Variants in CES5A observed in about 807,000 individuals in gnomAD.
The protein encoded by CES5A is carboxylesterase 5A.
Under a neutral mutation model 62.9 loss-of-function variants are expected in CES5A, and 67 were observed. The ratio of observed to expected loss-of-function variants is 1.07; its 90% CI spans 0.88 to 1.31. CES5A has a LOEUF of 1.31. Ranked by LOEUF, CES5A falls within the 50% of genes most tolerant of loss-of-function variation. The pLI is 0.00. For missense variants in CES5A, 748 were observed against 708.5 expected (o/e 1.06, Z -0.63); for synonymous variants, 296 against 280.8 (o/e 1.05, Z -0.54).
Position 55,861,242 on chromosome 16 carries a change from T to G in CES5A, c.915+170A>C, listed in dbSNP as rs138629644. Among the ~76,000 whole-genome samples, 706 of 152,338 alleles carry G rather than the reference T, an allele frequency of 4.6e-3. 9 individuals carry two copies. The highest frequency in any genetic ancestry group is 7.2e-3 in the Non-Finnish European group (490 of 68,030). ...CCCTGCCCCAACAATTTTCTTAAAT[T>G]ACCTACAAGGGTTCTATATCCCTAC... On this transcript the variant is annotated intron_variant, in intron 7 of 12. Transcript: ENST00000290567.
intron 6 of CES5A, 117 bp downstream of exon 6, chr16:55,863,231 A>G: frequency 2.8e-6 from 2 of 702,394 alleles, no homozygotes; most frequent in South Asian, 1.7e-5. Flanking sequence ...TTGGGCCAGC[A>G]TGAGGTGCCT....
At chr16:55,930,306 T>C (rs2034297160), upstream of CES5A, among the ~76,000 whole-genome samples, 1 of 152,052 alleles carries the variant, frequency 6.6e-6, no homozygotes. Flanking sequence ...GCATCATCCT[T>C]TGCCAGGCTT....
At chr16:55,887,781 A>T (rs2033832072) in intron 1 of CES5A, among the ~76,000 whole-genome samples, 1 of 152,184 alleles carries the variant, frequency 6.6e-6, no homozygotes, top group Non-Finnish European at 1.5e-5. Context: ...GGCCAAATTT[A>T]CCAGTTGTGG....
At chr16:55,954,268 G>C (rs187152973) in intron 1 of CES5A, among the ~76,000 whole-genome samples, 1 of 152,204 alleles carries the variant, frequency 6.6e-6, no homozygotes, top group East Asian at 1.9e-4. Context: ...TTGCAGGTTC[G>C]GTATTTCATT....
intron 1 of CES5A, among the ~76,000 whole-genome samples, chr16:55,923,151 AT>A (rs1567355878): frequency 1.3e-5 from 2 of 151,600 alleles, no homozygotes; most frequent in Non-Finnish European, 3.0e-5. Context: ...AAAAAACAAA[AT>A]TAATAGAAGA....
intron 1 of CES5A, among the ~76,000 whole-genome samples, chr16:55,912,485 GGAGGAGGAGGAC>G (rs2034104199): frequency 1.3e-5 from 2 of 152,056 alleles, no homozygotes; most frequent in Non-Finnish European, 2.9e-5. Context: ...TGGAGGAGAA[GGAGGAGGAGGAC>G]GAGGAGGAGG....
rs781331100 is a variant in CES5A at position 55,852,900 on chromosome 16, G to C, written c.1254C>G (p.Ile418Met). ...GDVFFVVPAL[I>M]TARYHRDAGA... ...ACTCACCTCTGTGATATCGAGCTGT[G>C]ATCAGTGCAGGGACCACAAAGAACA... Residue 418 changes from isoleucine to methionine, a missense_variant, in exon 10 of 13, where the codon ATC (isoleucine) becomes ATG (methionine). Coordinates refer to ENST00000290567, the MANE Select transcript of CES5A (RefSeq NM_001143685.2). 2 of 1,613,652 alleles carry C rather than the reference G, an allele frequency of 1.2e-6. No homozygotes were observed. The highest frequency in any genetic ancestry group is 2.7e-5 in the African/African-American group (2 of 74,926).
intron 2 of CES5A, among the ~76,000 whole-genome samples, chr16:55,939,884 T>G (rs1207879885): frequency 6.6e-6 from 1 of 152,038 alleles, no homozygotes; most frequent in East Asian, 1.9e-4. Flanking sequence ...GGAAAATATC[T>G]AAATGCTAAC....
intron 1 of CES5A, among the ~76,000 whole-genome samples, chr16:55,901,852 T>C (rs1345280078): frequency 6.6e-6 from 1 of 152,232 alleles, no homozygotes; most frequent in African/African-American, 2.4e-5. Context: ...CAGTGGGTTT[T>C]ATTTTAATTT....
At chr16:55,915,003 G>GT (rs376183481) in intron 1 of CES5A, among the ~76,000 whole-genome samples, 36,274 of 146,870 alleles carry the variant, frequency 0.25, 5,126 homozygotes, top group Non-Finnish European at 0.33. Flanking sequence ...ATAAAAAGTT[G>GT]TTTTTTTTTT....
chr16:55,858,002 C>G (rs560111776), intron 8 of CES5A, among the ~76,000 whole-genome samples: 1 of 152,240 alleles, frequency 6.6e-6, no homozygotes, highest in South Asian at 2.1e-4. Context: ...GGAAACCAGC[C>G]TGGCCAACAT....
intron 1 of CES5A, among the ~76,000 whole-genome samples, chr16:55,917,937 A>G (rs1299420285): frequency 2.0e-5 from 3 of 152,190 alleles, no homozygotes; most frequent in East Asian, 3.8e-4. Context: ...TGTGCTGTCA[A>G]CTGGATAAGT....
At chr16:55,852,652 T>G (rs1426509824) in intron 10 of CES5A, among the ~76,000 whole-genome samples, 2 of 152,246 alleles carry the variant, frequency 1.3e-5, no homozygotes, top group Non-Finnish European at 2.9e-5. Flanking sequence ...TTATACATGG[T>G]CCTGAAGAAG....
chr16:55,847,261 TCC>T (rs2033033729), intron 11 of CES5A, among the ~76,000 whole-genome samples: 1 of 149,726 alleles, frequency 6.7e-6, no homozygotes, highest in African/African-American at 2.5e-5. Flanking sequence ...TCCCTCTCTC[TCC>T]CCTCTCTCTT....
In CES5A at chr16:55,874,057, G is replaced by C. The variant is rs754456128; in HGVS notation, c.74-20C>G. ...AAGGCCCTGCGGGAACACATGGGAG[G>C]AATCAGGAGCAGGCTGGGGACAGGC... On this transcript the variant is annotated intron_variant, in intron 1 of 12. Coordinates refer to ENST00000290567, the MANE Select transcript of CES5A (RefSeq NM_001143685.2). The C allele has an allele frequency of 3.2e-6, 5 of 1,579,150 alleles. No homozygotes were observed. Among genetic ancestry groups the C allele is most frequent in the Non-Finnish European group, 3.4e-6 (4 of 1,162,772 alleles).
intron 1 of CES5A, among the ~76,000 whole-genome samples, chr16:55,905,267 C>T (rs2142445187): frequency 6.6e-6 from 1 of 152,218 alleles, no homozygotes; most frequent in African/African-American, 2.4e-5. Context: ...TGGATGGTTT[C>T]CACAGTGAGG....
At chr16:55,862,037 C>G in intron 6 of CES5A, among the ~76,000 whole-genome samples, 1 of 152,138 alleles carries the variant, frequency 6.6e-6, no homozygotes, top group East Asian at 1.9e-4. Context: ...TGTCTTTTTC[C>G]CTGCCTCTAT....
At chr16:55,876,466 C>G (rs1401215444), upstream of CES5A, among the ~76,000 whole-genome samples, 1 of 152,090 alleles carries the variant, frequency 6.6e-6, no homozygotes, top group East Asian at 1.9e-4. Context: ...ACAGGAAAAT[C>G]CGGCCTTTCT....
chr16:55,891,571 G>C (rs546366865), intron 1 of CES5A, among the ~76,000 whole-genome samples: 4 of 152,160 alleles, frequency 2.6e-5, no homozygotes, highest in African/African-American at 9.7e-5. Context: ...GGGGCTTCCA[G>C]GTCACAGGTA....
Sources: gnomAD v4.1 joint callset for allele counts (sites outside exome capture counted in the v4.1 genomes callset) on GRCh38, gnomAD v4.1.1 for gene constraint, MANE v1.5 for transcripts, NCBI Gene and HGNC (gene_info 2026-07-23, HGNC 2026-07-21) for gene names.